Variants in CDH9 observed in about 807,000 individuals in gnomAD.
CDH9 encodes cadherin-9.
In CDH9, 28 loss-of-function variants were observed where a neutral mutation model predicts 70.9. That is an observed-to-expected ratio of 0.40 (90% CI 0.29 to 0.54). The LOEUF is 0.54. Ranked by LOEUF, CDH9 falls within the 20% of genes least tolerant of loss-of-function variation. The pLI is 0.59. For missense variants in CDH9, 874 were observed against 984.4 expected, an observed-to-expected ratio of 0.89 and a Z score of 1.50; for synonymous variants, 409 against 343.1, an observed-to-expected ratio of 1.19 and a Z score of -2.12.
chr5:27,034,314 C>T (rs934947522), intron 1 of CDH9, among the ~76,000 whole-genome samples: 4 of 151,522 alleles, frequency 2.6e-5, no homozygotes, highest in African/African-American at 4.8e-5. Flanking sequence ...GAGGGGTTGG[C>T]TTTTTAATCC....
chr5:26,948,946 C>G (rs1741799465), intron 2 of CDH9, among the ~76,000 whole-genome samples: 1 of 152,162 alleles, frequency 6.6e-6, no homozygotes, highest in African/African-American at 2.4e-5. Flanking sequence ...ACCAATGCTC[C>G]ATTTTTCCAT....
chr5:26,906,630 T>C, intron 4 of CDH9, 89 bp downstream of exon 4: 3 of 1,477,204 alleles, frequency 2.0e-6, no homozygotes, highest in South Asian at 1.3e-5. Context: ...GAAAGAATAA[T>C]GGTTTTAAAA....
intron 7 of CDH9, among the ~76,000 whole-genome samples, chr5:26,897,189 C>CA (rs368493204): frequency 2.4e-4 from 36 of 150,346 alleles, no homozygotes; most frequent in East Asian, 3.9e-4. Flanking sequence ...AACCTACCAA[C>CA]AAAAAAAAAG....
intron 2 of CDH9, among the ~76,000 whole-genome samples, chr5:26,966,261 G>A (rs996983595): frequency 2.0e-5 from 3 of 152,092 alleles, no homozygotes; most frequent in African/African-American, 7.2e-5. Flanking sequence ...GATTGACTCT[G>A]GCAAGTGTAT....
chr5:27,006,287 C>T (rs1579508722), intron 1 of CDH9, among the ~76,000 whole-genome samples: 2 of 152,068 alleles, frequency 1.3e-5, no homozygotes, highest in Non-Finnish European at 2.9e-5. Flanking sequence ...ATTATGTTTA[C>T]TGTATGATTC....
At position 26,881,108 on chromosome 5, in the gene CDH9, C is replaced by T; in HGVS notation, c.*28G>A. ...TCTAATAACATAGACAGTACTTCCACTAATATTGATTAAGTCAAACAATCC... is the reference window on the plus strand; with the variant it reads ...TCTAATAACATAGACAGTACTTCCATTAATATTGATTAAGTCAAACAATCC... On this transcript the variant is annotated 3_prime_UTR_variant, in exon 12 of 12. Coordinates refer to ENST00000231021, the MANE Select transcript of CDH9 (RefSeq NM_016279.4). The T allele has an allele frequency of 6.4e-7, 1 of 1,560,730 alleles. No individual in the cohort carries two copies. The highest frequency in any genetic ancestry group is 8.7e-7 in the Non-Finnish European group (1 of 1,152,734).
At chr5:27,007,224 T>C (rs916104994) in intron 1 of CDH9, among the ~76,000 whole-genome samples, 3 of 152,106 alleles carry the variant, frequency 2.0e-5, no homozygotes, top group African/African-American at 7.2e-5. Context: ...AAATTGTCTA[T>C]ATTTAAAACT....
intron 2 of CDH9, among the ~76,000 whole-genome samples, chr5:26,986,148 C>T (rs1742484446): frequency 1.3e-5 from 2 of 151,732 alleles, no homozygotes; most frequent in Middle Eastern, 6.8e-3. Context: ...CATATTATTT[C>T]CTACTGGAAA....
intron 2 of CDH9, among the ~76,000 whole-genome samples, chr5:26,928,377 C>T (rs368560554): frequency 6.6e-5 from 10 of 152,100 alleles, no homozygotes; most frequent in Admixed American, 3.3e-4. Context: ...ATTTTATGTT[C>T]ATAGTTTGGA....
At position 27,033,804 on chromosome 5, in the gene CDH9, T is replaced by C. The variant is rs137910539; in HGVS notation, c.-50+4659A>G. Among the ~76,000 whole-genome samples the C allele has an allele frequency of 7.2e-3, 1,091 of 151,644 alleles. 11 individuals are homozygous for C. The highest frequency in any genetic ancestry group is 0.025 in the African/African-American group (1,038 of 41,460). ...CAAATACATTTTAGAGTTGGCTGAT[T>C]GTCTGGGGAAAACTCCCTTAGACAA... On this transcript the variant is annotated intron_variant, in intron 1 of 11. Coordinates refer to ENST00000231021, the MANE Select transcript of CDH9 (RefSeq NM_016279.4).
chr5:26,980,845 T>C (rs530092398), intron 2 of CDH9, among the ~76,000 whole-genome samples: 5 of 152,050 alleles, frequency 3.3e-5, no homozygotes, highest in Non-Finnish European at 7.4e-5. Context: ...AGCATTGCAT[T>C]TATAATAGAG....
At chr5:26,949,642 C>T (rs1741810989) in intron 2 of CDH9, among the ~76,000 whole-genome samples, 1 of 152,090 alleles carries the variant, frequency 6.6e-6, no homozygotes, top group East Asian at 1.9e-4. Context: ...CACCACTGGC[C>T]CCATTTTTCT....
chr5:26,940,651 G>A (rs1007589), intron 2 of CDH9, among the ~76,000 whole-genome samples: 136,017 of 152,202 alleles, frequency 0.89, 60,955 homozygotes, highest in East Asian at 0.99. Context: ...TTTCAGTGAC[G>A]AAAACATTTC....
At chr5:26,961,163 T>G (rs555995799) in intron 2 of CDH9, among the ~76,000 whole-genome samples, 33 of 152,256 alleles carry the variant, frequency 2.2e-4, no homozygotes, top group African/African-American at 7.9e-4. Context: ...TGTATATATT[T>G]ATGGTAAGCA....
chr5:26,964,227 A>T (rs1304252210), intron 2 of CDH9, among the ~76,000 whole-genome samples: 1 of 152,038 alleles, frequency 6.6e-6, no homozygotes, highest in African/African-American at 2.4e-5. Context: ...ACACACAAGC[A>T]CACGCATTCA....
intron 5 of CDH9, 94 bp downstream of exon 5, chr5:26,905,865 T>C: frequency 6.5e-6 from 6 of 916,148 alleles, no homozygotes; most frequent in Non-Finnish European, 1.0e-5. Flanking sequence ...CATAAACCAA[T>C]AGCAAAACTA....
At chr5:27,020,426 T>C (rs1233969140) in intron 1 of CDH9, among the ~76,000 whole-genome samples, 1 of 151,624 alleles carries the variant, frequency 6.6e-6, no homozygotes, top group Non-Finnish European at 1.5e-5. Context: ...AATATTAAAA[T>C]ACTATACTTA....
intron 1 of CDH9, among the ~76,000 whole-genome samples, chr5:27,012,446 C>A (rs546005980): frequency 6.6e-6 from 1 of 151,962 alleles, no homozygotes; most frequent in East Asian, 1.9e-4. Context: ...CAGCAGAATT[C>A]CGTTAATATT....
At chr5:26,909,174 A>G (rs1741003549) in intron 3 of CDH9, among the ~76,000 whole-genome samples, 1 of 151,964 alleles carries the variant, frequency 6.6e-6, no homozygotes, top group Admixed American at 6.6e-5. Context: ...TTTAGTAGAG[A>G]CGGGGTTTCC....
Sources: allele counts gnomAD v4.1 joint callset (sites outside exome capture counted in the v4.1 genomes callset), GRCh38; gene constraint gnomAD v4.1.1; transcripts MANE v1.5; gene names NCBI Gene and HGNC (gene_info 2026-07-23, HGNC 2026-07-21).